Variants in PGLYRP3 observed in about 807,000 individuals in gnomAD.
PGLYRP3 encodes the protein peptidoglycan recognition protein I alpha.
In PGLYRP3, 39 loss-of-function variants were observed where a neutral mutation model predicts 36.0. The ratio of observed to expected loss-of-function variants is 1.08; its 90% CI spans 0.84 to 1.41. The LOEUF (loss-of-function observed/expected upper bound fraction) is 1.41. Among genes scored for constraint, PGLYRP3 ranks in the 40% most tolerant of loss-of-function variants. The probability of loss-of-function intolerance (pLI) is 0.00; values close to 1 mark genes in which losing one functional copy is unlikely to be tolerated. For synonymous variants in PGLYRP3, 204 were observed against 172.8 expected (o/e 1.18, Z -1.42); for missense variants, 407 against 427.9 (o/e 0.95, Z 0.43).
intron 4 of PGLYRP3, 98 bp from the exon 5 acceptor site, chr1:153,304,107 A>G (rs1200021796): frequency 8.3e-7 from 1 of 1,201,876 alleles, no homozygotes; most frequent in East Asian, 2.4e-5. Context: ...GAGCCTGAAT[A>G]ACTGGATTGG....
Position 153,297,851 on chromosome 1 carries a change from G to A in PGLYRP3, c.*105C>T, listed in dbSNP as rs77669071. On this transcript the variant is annotated 3_prime_UTR_variant, in exon 8 of 8. Coordinates refer to ENST00000683862, the MANE Select transcript of PGLYRP3 (RefSeq NM_052891.3). ...ACCATTCAAACCTGAGAAAGGATGG[G>A]CTGGCAGGGGAGGGGGACACAAGGT... The A allele has an allele frequency of 9.1e-4, 1,176 of 1,288,546 alleles. 10 individuals are homozygous for A. In the African/African-American group the frequency reaches 0.016, roughly 18 times the overall value. 79.8% of individuals were successfully genotyped at this position (1,288,546 alleles called of 1,614,324 possible).
rs532130130 is a variant in PGLYRP3 at position 153,306,614 on chromosome 1, G to C, written c.257+452C>G. 1.7e-3 allele frequency among the ~76,000 whole-genome samples: 264 copies of C among 152,324 alleles called. 1 individual carries two copies. Among genetic ancestry groups the C allele is most frequent in the African/African-American group, 5.0e-3 (209 of 41,580 alleles). ...CTACACTGGCAGGTGCTCTCACACA[G>C]CTCTGGGTACGTGCTTCCTCTCTCT... is the stretch of plus-strand genomic sequence containing the variant. On this transcript the variant is annotated intron_variant, in intron 3 of 7. Transcript: ENST00000683862.
intron 2 of PGLYRP3, among the ~76,000 whole-genome samples, chr1:153,308,128 G>A (rs1659800080): frequency 6.6e-6 from 1 of 151,938 alleles, no homozygotes; most frequent in African/African-American, 2.4e-5. Context: ...CCGAGTAACT[G>A]GAATTACAGG....
chr1:153,306,628 C>A (rs1318652495), intron 3 of PGLYRP3, among the ~76,000 whole-genome samples: 4 of 152,206 alleles, frequency 2.6e-5, no homozygotes, highest in African/African-American at 9.6e-5. Context: ...TGGGTACGTG[C>A]TTCCTCTCTC....
Position 153,310,719 on chromosome 1 carries a change from C to T in PGLYRP3, c.-41-13G>A. The T allele has an allele frequency of 6.6e-7, 1 of 1,515,460 alleles. No individual in the cohort carries two copies. The highest frequency in any genetic ancestry group is 9.2e-7 in the Non-Finnish European group (1 of 1,092,868). The allele number at this position is 1,515,460 out of a possible 1,614,324, so 93.9% of individuals were successfully genotyped here. A position where few individuals can be genotyped will look rare whatever the true frequency, so the allele number is the denominator to read the frequency against. Reference sequence around the variant, plus strand: ...GTGGACGGCAGCCCTGGAAGAGAGGCTAACAGTTAACACAACCATGCTAAC... The same window carrying T: ...GTGGACGGCAGCCCTGGAAGAGAGGTTAACAGTTAACACAACCATGCTAAC... On this transcript the variant is annotated splice_polypyrimidine_tract_variant and intron_variant, in intron 1 of 7. Coordinates refer to ENST00000683862, the MANE Select transcript of PGLYRP3 (RefSeq NM_052891.3).
In PGLYRP3 at chr1:153,297,232, A is replaced by G. The variant is rs1429462971; in HGVS notation, c.*724T>C. Among the ~76,000 whole-genome samples the G allele has an allele frequency of 2.0e-5, 3 of 152,134 alleles. No individual in the cohort carries two copies. The East Asian group carries it at 5.8e-4, about 29-fold the overall frequency. On this transcript the variant is annotated 3_prime_UTR_variant, in exon 8 of 8. Coordinates refer to ENST00000683862, the MANE Select transcript of PGLYRP3 (RefSeq NM_052891.3). Reference sequence around the variant, plus strand: ...GAATAAAATAGAATTCCTCCCTTGGAGAAACTTACAACCCAGAGGAGAGGA... The same window carrying G: ...GAATAAAATAGAATTCCTCCCTTGGGGAAACTTACAACCCAGAGGAGAGGA...
intron 6 of PGLYRP3, among the ~76,000 whole-genome samples, chr1:153,301,846 C>A (rs971062009): frequency 2.6e-5 from 4 of 152,246 alleles, no homozygotes; most frequent in Non-Finnish European, 5.9e-5. Flanking sequence ...TTCTTTATTA[C>A]AGACCTGGCA....
Position 153,310,593 on chromosome 1 carries a change from C to A in PGLYRP3, c.55+18G>T, listed in dbSNP as rs1557813009. 6.2e-7 allele frequency: 1 copy of A among 1,613,360 alleles called. No individual in the cohort carries two copies. Among genetic ancestry groups the A allele is most frequent in the Non-Finnish European group, 8.5e-7 (1 of 1,179,354 alleles). On this transcript the variant is annotated intron_variant, in intron 2 of 7. Coordinates refer to ENST00000683862, the MANE Select transcript of PGLYRP3 (RefSeq NM_052891.3). Reference sequence around the variant, plus strand: ...TTGCTCATCAAAAGCACTTCTGATGCAAGTAAATAAAACTTACCCCAAGCC... The same window carrying A: ...TTGCTCATCAAAAGCACTTCTGATGAAAGTAAATAAAACTTACCCCAAGCC...
chr1:153,307,379 G>A lies in PGLYRP3; in HGVS notation c.56-112C>T, dbSNP rs1168171732. The A allele has an allele frequency of 3.9e-6, 4 of 1,028,622 alleles. No individual in the cohort carries two copies. In the South Asian group the frequency reaches 4.6e-5, roughly 12 times the overall value. 63.7% of individuals were successfully genotyped at this position (1,028,622 alleles called of 1,614,324 possible). A position where few individuals can be genotyped will look rare whatever the true frequency, so the allele number is the denominator to read the frequency against. On this transcript the variant is annotated intron_variant, in intron 2 of 7. Coordinates refer to ENST00000683862, the MANE Select transcript of PGLYRP3 (RefSeq NM_052891.3). The stretch of plus-strand genomic sequence containing the variant: ...CAGGCCCGACCTGCCCCATGCATGG[G>A]AGACACCCTGGGGGAGCCCTTCACC...
rs1571106369 is a variant in PGLYRP3 at position 153,307,075 on chromosome 1, A to C, written c.248T>G (p.Val83Gly). ...TTGGCTAGCCTCTTACTTGTACGCC[A>C]CGTCGCACCAGCCTATGGTGTAGAC... is the stretch of plus-strand genomic sequence containing the variant. ...HSVYTIGWCD[V>G]AYNFLVGDDG... is the part of the protein sequence containing the mutation. Residue 83 changes from valine (V) to glycine (G), a missense_variant, in exon 3 of 8, where the codon GTG (valine) becomes GGG (glycine). Physicochemically the swap from Val to Gly is moderately radical, Grantham distance 109. Coordinates refer to ENST00000683862, the MANE Select transcript of PGLYRP3 (RefSeq NM_052891.3). 1 of 1,613,576 alleles carries C rather than the reference A, an allele frequency of 6.2e-7. No individual in the cohort carries two copies. The highest frequency in any genetic ancestry group is 8.5e-7 in the Non-Finnish European group (1 of 1,179,794).
chr1:153,303,502 T>A (rs1659654889), intron 5 of PGLYRP3, among the ~76,000 whole-genome samples: 1 of 152,250 alleles, frequency 6.6e-6, no homozygotes, highest in Non-Finnish European at 1.5e-5. Flanking sequence ...TTTCTGTCTC[T>A]TCTCACTGAA....
Position 153,304,955 on chromosome 1 carries a change from T to C in PGLYRP3, c.368A>G (p.Asn123Ser), listed in dbSNP as rs1399266794. 6.2e-7 allele frequency: 1 copy of C among 1,613,216 alleles called. No individual in the cohort carries two copies. The highest frequency in any genetic ancestry group is 1.1e-5 in the South Asian group (1 of 90,960). Residue 123 changes from asparagine (N) to serine (S), a missense_variant, in exon 4 of 8, where the codon AAT becomes AGT. Physicochemically the swap from Asn to Ser is conservative, Grantham distance 46. Coordinates refer to ENST00000683862, the MANE Select transcript of PGLYRP3 (RefSeq NM_052891.3). ...NISLGIAFFG[N>S]KIGSSPSPAA... ...CAGGGAGTGACCCTTACCTATCTTA[T>C]TGCCAAAGAAGGCGATGCCCAGGGA...
At chr1:153,304,150 A>G (rs535384322) in intron 4 of PGLYRP3, 141 bp from the exon 5 acceptor site, 5 of 744,000 alleles carry the variant, frequency 6.7e-6, no homozygotes, top group East Asian at 2.7e-5. Context: ...GCCAGAACAG[A>G]GTGCCTAAGA....
At chr1:153,311,565 C>G (rs1332717356) in intron 1 of PGLYRP3, among the ~76,000 whole-genome samples, 1 of 152,190 alleles carries the variant, frequency 6.6e-6, no homozygotes, top group African/African-American at 2.4e-5. Flanking sequence ...TCACTATAGT[C>G]TTTTCCAGCT....
chr1:153,311,577 C>CA (rs1451402636), intron 1 of PGLYRP3, among the ~76,000 whole-genome samples: 1 of 152,208 alleles, frequency 6.6e-6, no homozygotes, highest in East Asian at 1.9e-4. Context: ...TTTCCAGCTC[C>CA]AGGAATCTTT....
At position 153,302,493 on chromosome 1, in the gene PGLYRP3, G is replaced by A. The variant is rs751838726; in HGVS notation, c.644C>T (p.Thr215Ile). 6.2e-7 allele frequency: 1 copy of A among 1,614,240 alleles called. No homozygotes were observed. Among genetic ancestry groups the A allele is most frequent in the Non-Finnish European group, 8.5e-7 (1 of 1,180,034 alleles). Reference sequence around the variant, plus strand: ...GACAGTCTGGCAGTCTGTGGATACAGTGCAGCTTGTGCCAGCGGTGTGGAT... The same window carrying A: ...GACAGTCTGGCAGTCTGTGGATACAATGCAGCTTGTGCCAGCGGTGTGGAT... ...IIIHTAGTSC[T>I]VSTDCQTVVR... The change falls in exon 6 of 8, where the codon ACT becomes ATT. Residue 215 changes from threonine (T) to isoleucine (I), a missense_variant. Coordinates refer to ENST00000683862, the MANE Select transcript of PGLYRP3 (RefSeq NM_052891.3).
chr1:153,309,997 C>T (rs2101527452), intron 2 of PGLYRP3, among the ~76,000 whole-genome samples: 1 of 152,288 alleles, frequency 6.6e-6, no homozygotes, highest in South Asian at 2.1e-4. Flanking sequence ...TACATTTTTC[C>T]TTCCGAAGGG....
At chr1:153,305,144 GTT>G in intron 3 of PGLYRP3, 79 bp from the exon 4 acceptor site, 4 of 1,181,292 alleles carry the variant, frequency 3.4e-6, no homozygotes, top group Non-Finnish European at 4.9e-6. Context: ...AGGAAAAGGG[GTT>G]CTGGAGGCTC....
chr1:153,304,147 C>T (rs1659678948), intron 4 of PGLYRP3, 138 bp from the exon 5 acceptor site: 3 of 790,972 alleles, frequency 3.8e-6, no homozygotes, highest in Non-Finnish European at 5.7e-6. Flanking sequence ...GTTGCCAGAA[C>T]AGAGTGCCTA....
Sources: allele counts gnomAD v4.1 joint callset (sites outside exome capture counted in the v4.1 genomes callset), GRCh38; gene constraint gnomAD v4.1.1; transcripts MANE v1.5; gene names NCBI Gene and HGNC (gene_info 2026-07-23, HGNC 2026-07-21).